Variants in CMKLR1 observed in about 807,000 individuals in gnomAD.
CMKLR1 encodes chemerin chemokine-like receptor 1.
A neutral mutation model predicts 8.2 loss-of-function variants in CMKLR1; 6 were observed. The observed-to-expected ratio is 0.73, with a 90% CI of 0.40 to 1.44. The LOEUF is 1.44. Among genes scored for constraint, CMKLR1 ranks in the 40% most tolerant of loss-of-function variants. The pLI, the probability that CMKLR1 is intolerant of heterozygous loss-of-function variation, is 0.02. For synonymous variants in CMKLR1, 178 were observed against 181.2 expected (o/e 0.98, Z 0.14); for missense variants, 429 against 478.0 (o/e 0.90, Z 0.96).
intron 1 of CMKLR1, among the ~76,000 whole-genome samples, chr12:108,334,334 C>T (rs987162999): frequency 6.6e-6 from 1 of 152,248 alleles, no homozygotes; most frequent in Non-Finnish European, 1.5e-5. Flanking sequence ...GCTGTTACTC[C>T]CACATGCATT....
At chr12:108,298,588 A>T (rs1463514354) in intron 2 of CMKLR1, among the ~76,000 whole-genome samples, 1 of 152,188 alleles carries the variant, frequency 6.6e-6, no homozygotes, top group Non-Finnish European at 1.5e-5. Flanking sequence ...CTAGCCCCTC[A>T]GGGAATTTAC....
chr12:108,326,292 C>T (rs142177987), intron 2 of CMKLR1, among the ~76,000 whole-genome samples: 17 of 152,290 alleles, frequency 1.1e-4, no homozygotes, highest in African/African-American at 4.1e-4. Flanking sequence ...CCAAAAGCCT[C>T]CCCTTCCCTG....
Position 108,318,168 on chromosome 12 carries a change from T to C in CMKLR1, c.-74+11827A>G, listed in dbSNP as rs531750692. 8.3e-4 allele frequency among the ~76,000 whole-genome samples: 127 copies of C among 152,350 alleles called. 1 individual carries two copies. Among genetic ancestry groups the C allele is most frequent in the South Asian group, 3.9e-3 (19 of 4,826 alleles). On this transcript the variant is annotated intron_variant, in intron 2 of 3. Coordinates refer to ENST00000550402, the MANE Select transcript of CMKLR1 (RefSeq NM_001142343.2). Reference sequence around the variant, plus strand: ...TTCCGGTTTCTTGCTGTTACAATGTTATAATAAATCATTGTGTGTGTTACA... The same window carrying C: ...TTCCGGTTTCTTGCTGTTACAATGTCATAATAAATCATTGTGTGTGTTACA...
intron 2 of CMKLR1, among the ~76,000 whole-genome samples, chr12:108,328,404 C>G (rs934638766): frequency 6.6e-6 from 1 of 152,212 alleles, no homozygotes; most frequent in Non-Finnish European, 1.5e-5. Context: ...CACGTGATCT[C>G]GTTTAAGCCC....
At chr12:108,296,016 G>C (rs1891123814) in intron 2 of CMKLR1, among the ~76,000 whole-genome samples, 1 of 152,146 alleles carries the variant, frequency 6.6e-6, no homozygotes. Flanking sequence ...CGTGTCCCCT[G>C]TTGGTGCATC....
chr12:108,308,139 C>G (rs191600160), intron 2 of CMKLR1, among the ~76,000 whole-genome samples: 1 of 152,248 alleles, frequency 6.6e-6, no homozygotes, highest in African/African-American at 2.4e-5. Flanking sequence ...ACTTCTAGCT[C>G]TAGCACTTCC....
chr12:108,307,127 G>A (rs117273840), intron 2 of CMKLR1, among the ~76,000 whole-genome samples: 44 of 152,252 alleles, frequency 2.9e-4, no homozygotes, highest in Admixed American at 2.4e-3. Context: ...ATCCCCTGAC[G>A]TCAGCCTTGG....
At chr12:108,297,837 G>A (rs1891174900) in intron 2 of CMKLR1, among the ~76,000 whole-genome samples, 1 of 152,202 alleles carries the variant, frequency 6.6e-6, no homozygotes, top group African/African-American at 2.4e-5. Context: ...CCACAGAGCT[G>A]CCTTCTCTGA....
intron 2 of CMKLR1, among the ~76,000 whole-genome samples, chr12:108,297,319 A>G (rs1290363124): frequency 6.6e-6 from 1 of 152,228 alleles, no homozygotes; most frequent in Admixed American, 6.5e-5. Context: ...GTATGAGTAC[A>G]GAATATAATA....
intron 1 of CMKLR1, among the ~76,000 whole-genome samples, chr12:108,336,676 G>T (rs1892233732): frequency 6.6e-6 from 1 of 152,218 alleles, no homozygotes; most frequent in Non-Finnish European, 1.5e-5. Context: ...ATGTGGTGTA[G>T]CTCAAAGAGA....
At chr12:108,321,577 C>T (rs540059178) in intron 2 of CMKLR1, among the ~76,000 whole-genome samples, 7 of 152,134 alleles carry the variant, frequency 4.6e-5, no homozygotes, top group African/African-American at 7.3e-5. Flanking sequence ...TGCTGGAGAG[C>T]ACACCCTAAC....
At chr12:108,327,172 G>A (rs917725154) in intron 2 of CMKLR1, among the ~76,000 whole-genome samples, 1 of 152,172 alleles carries the variant, frequency 6.6e-6, no homozygotes, top group Admixed American at 6.5e-5. Flanking sequence ...CAGAGAGGGG[G>A]GTTGGCTAAG....
At chr12:108,303,555 G>A (rs553104293) in intron 2 of CMKLR1, among the ~76,000 whole-genome samples, 1 of 152,276 alleles carries the variant, frequency 6.6e-6, no homozygotes, top group African/African-American at 2.4e-5. Flanking sequence ...GGTCCAATTA[G>A]CCATTCTGAA....
At chr12:108,301,495 C>CA (rs1273770454) in intron 2 of CMKLR1, among the ~76,000 whole-genome samples, 2 of 152,154 alleles carry the variant, frequency 1.3e-5, no homozygotes, top group Non-Finnish European at 2.9e-5. Flanking sequence ...GCCACCCACA[C>CA]AAAAAAGCCC....
At chr12:108,294,192 G>C (rs1891066623) in intron 2 of CMKLR1, among the ~76,000 whole-genome samples, 1 of 152,202 alleles carries the variant, frequency 6.6e-6, no homozygotes, top group Admixed American at 6.5e-5. Context: ...TTAAGAAATA[G>C]AGAGACTGAG....
chr12:108,318,495 G>A (rs892622978), intron 2 of CMKLR1, among the ~76,000 whole-genome samples: 1 of 152,224 alleles, frequency 6.6e-6, no homozygotes, highest in African/African-American at 2.4e-5. Context: ...GTTTATCAAA[G>A]GGAAATGACA....
intron 2 of CMKLR1, among the ~76,000 whole-genome samples, chr12:108,319,849 A>G (rs1891817833): frequency 6.6e-6 from 1 of 151,986 alleles, no homozygotes; most frequent in African/African-American, 2.4e-5. Flanking sequence ...AGGTATAAAT[A>G]TCTGATGACA....
chr12:108,305,076 G>A (rs1030117329), intron 2 of CMKLR1, among the ~76,000 whole-genome samples: 1 of 152,202 alleles, frequency 6.6e-6, no homozygotes, highest in African/African-American at 2.4e-5. Context: ...AAAAGGAGCT[G>A]GGAGGCCCCT....
intron 2 of CMKLR1, among the ~76,000 whole-genome samples, chr12:108,328,526 T>C (rs1593179087): frequency 6.6e-6 from 1 of 152,226 alleles, no homozygotes; most frequent in African/African-American, 2.4e-5. Context: ...AGCACGTGGC[T>C]GAAATGGGTT....
Sources: allele counts gnomAD v4.1 joint callset (sites outside exome capture counted in the v4.1 genomes callset), GRCh38; gene constraint gnomAD v4.1.1; transcripts MANE v1.5; gene names NCBI Gene and HGNC (gene_info 2026-07-23, HGNC 2026-07-21).